The following HIVEP3 variants were observed in gnomAD, a reference collection of about 807,000 sequenced individuals.
The protein encoded by HIVEP3 is HIVEP zinc finger 3, also known as transcription factor HIVEP3.
Under a neutral mutation model 152.8 loss-of-function variants are expected in HIVEP3, and 49 were observed. The observed-to-expected ratio is 0.32, with a 90% CI of 0.26 to 0.41. The LOEUF (loss-of-function observed/expected upper bound fraction) is 0.41. Among genes scored for constraint, HIVEP3 ranks in the 10% least tolerant of loss-of-function variants. HIVEP3 has a pLI of 1.00. For synonymous variants in HIVEP3, 1,269 were observed against 1,289.0 expected, an observed-to-expected ratio of 0.98 and a Z score of 0.33; for missense variants, 2,790 against 3,103.3, an observed-to-expected ratio of 0.90 and a Z score of 2.40.
intron 1 of HIVEP3, among the ~76,000 whole-genome samples, chr1:41,846,770 A>G (rs1643455325): frequency 6.6e-6 from 1 of 152,236 alleles, no homozygotes; most frequent in Non-Finnish European, 1.5e-5. Context: ...TATTTAATTC[A>G]TCTTTGTCTT....
In HIVEP3 at chr1:41,997,323, T is replaced by C. The variant is rs1324491158; in HGVS notation, n.119+38484A>G. Among the ~76,000 whole-genome samples the C allele has an allele frequency of 2.0e-5, 3 of 152,304 alleles. No individual in the cohort carries two copies. The East Asian group carries it at 5.8e-4, about 29-fold the overall frequency. On this transcript the variant is annotated intron_variant and non_coding_transcript_variant, in intron 1 of 3. Transcript: ENST00000489103. Reference sequence around the variant, plus strand: ...TGGTTTGAAACTACCACGCCTTTCCTGTTGTGGCTGCTCCACATTGGCTAA... The same window carrying C: ...TGGTTTGAAACTACCACGCCTTTCCCGTTGTGGCTGCTCCACATTGGCTAA...
chr1:41,738,426 T>A (rs1188253194), intron 1 of HIVEP3, among the ~76,000 whole-genome samples: 1 of 152,098 alleles, frequency 6.6e-6, no homozygotes, highest in East Asian at 1.9e-4. Context: ...GAAAACAATT[T>A]AAAAATTCCT....
intron 1 of HIVEP3, among the ~76,000 whole-genome samples, chr1:41,955,746 C>T (rs898077813): frequency 1.3e-5 from 2 of 152,026 alleles, no homozygotes; most frequent in African/African-American, 2.4e-5. Flanking sequence ...ATGAGTTACC[C>T]GGAGAAGTTA....
chr1:41,706,001 C>T (rs577991907), intron 1 of HIVEP3, among the ~76,000 whole-genome samples: 2 of 152,034 alleles, frequency 1.3e-5, no homozygotes, highest in East Asian at 3.9e-4. Context: ...TGGGACACAA[C>T]CATGCAAACA....
At chr1:41,651,923 T>A (rs1160236237) in intron 2 of HIVEP3, among the ~76,000 whole-genome samples, 1 of 152,254 alleles carries the variant, frequency 6.6e-6, no homozygotes, top group Non-Finnish European at 1.5e-5. Context: ...TGCACATTTT[T>A]AAAAACTTGG....
At chr1:41,777,989 G>T (rs1431138400) in intron 1 of HIVEP3, among the ~76,000 whole-genome samples, 11 of 152,228 alleles carry the variant, frequency 7.2e-5, no homozygotes, top group Admixed American at 2.0e-4. Flanking sequence ...ATCGGCGGGG[G>T]TTCTTGGCAG....
chr1:41,940,226 A>T (rs1645039210), intron 1 of HIVEP3, among the ~76,000 whole-genome samples: 1 of 152,198 alleles, frequency 6.6e-6, no homozygotes, highest in African/African-American at 2.4e-5. Context: ...GCTGAATTTT[A>T]AAAAATATAG....
chr1:41,721,182 C>G (rs898178769), intron 1 of HIVEP3, among the ~76,000 whole-genome samples: 1 of 151,694 alleles, frequency 6.6e-6, no homozygotes, highest in Non-Finnish European at 1.5e-5. Flanking sequence ...AGGTAGATCT[C>G]ATGTGAAACA....
At chr1:41,613,553 T>C (rs1251346262) in intron 3 of HIVEP3, among the ~76,000 whole-genome samples, 1 of 152,242 alleles carries the variant, frequency 6.6e-6, no homozygotes, top group Non-Finnish European at 1.5e-5. Flanking sequence ...CTTCAGTTAA[T>C]AGTTTGCAGA....
chr1:41,731,942 A>G (rs1646845434), intron 1 of HIVEP3, among the ~76,000 whole-genome samples: 2 of 152,244 alleles, frequency 1.3e-5, no homozygotes, highest in South Asian at 4.1e-4. Context: ...TGGTTAAACA[A>G]GTGAATGATT....
intron 3 of HIVEP3, among the ~76,000 whole-genome samples, chr1:41,623,800 T>C (rs10749837): frequency 0.62 from 94,732 of 152,142 alleles, 30,138 homozygotes; most frequent in African/African-American, 0.76. Context: ...CCAGCCCTGG[T>C]TTGGCAAGCT....
rs149343852 is a variant in HIVEP3, at chr1:41,790,037, C to T, written c.-800-89042G>A. ...CTTTACAAAACAGGGTCAGGTGCTA[C>T]TTTCTGACTCCAGGGTCAGAGAGGC... On this transcript the variant is annotated intron_variant, in intron 1 of 8. Transcript: ENST00000372583. 1.1e-4 allele frequency among the ~76,000 whole-genome samples: 16 copies of T among 152,346 alleles called. No homozygotes were observed. The East Asian group carries it at 3.1e-3, about 29-fold the overall frequency.
intron 5 of HIVEP3, among the ~76,000 whole-genome samples, chr1:41,561,173 T>C (rs1398563191): frequency 6.6e-6 from 1 of 152,138 alleles, no homozygotes; most frequent in Non-Finnish European, 1.5e-5. Flanking sequence ...CCAAACCACA[T>C]GGCAATCATT....
intron 1 of HIVEP3, among the ~76,000 whole-genome samples, chr1:41,751,620 T>C (rs1160556751): frequency 6.6e-6 from 1 of 152,122 alleles, no homozygotes; most frequent in African/African-American, 2.4e-5. Flanking sequence ...CTTTCCCCTG[T>C]CCTTCTCTTG....
intron 2 of HIVEP3, among the ~76,000 whole-genome samples, chr1:41,647,598 AG>A (rs1407991496): frequency 6.6e-6 from 1 of 152,180 alleles, no homozygotes; most frequent in Non-Finnish European, 1.5e-5. Context: ...AGGCCCTTCC[AG>A]GGCACGCTGA....
At chr1:41,598,273 T>G (rs1012373601) in intron 3 of HIVEP3, among the ~76,000 whole-genome samples, 5 of 152,222 alleles carry the variant, frequency 3.3e-5, no homozygotes, top group Non-Finnish European at 7.3e-5. Flanking sequence ...CTGGCAGGTC[T>G]CTAGTGGTTC....
chr1:41,847,310 C>T (rs891319251), intron 1 of HIVEP3: 5 of 152,196 alleles, frequency 3.3e-5, no homozygotes, highest in Admixed American at 6.5e-5. Flanking sequence ...TAAATGAGTA[C>T]TCTTACATTA....
chr1:41,991,444 C>CA (rs1645360645), intron 1 of HIVEP3, among the ~76,000 whole-genome samples: 1 of 151,468 alleles, frequency 6.6e-6, no homozygotes, highest in Non-Finnish European at 1.5e-5. Context: ...CAAGACTAAA[C>CA]CAGCAAGAAG....
chr1:41,946,163 A>C (rs1645073847), intron 1 of HIVEP3, among the ~76,000 whole-genome samples: 1 of 152,218 alleles, frequency 6.6e-6, no homozygotes, highest in Non-Finnish European at 1.5e-5. Context: ...ACGCTTTAGA[A>C]AAGATTGTCC....
Sources: gnomAD v4.1 joint callset for allele counts (sites outside exome capture counted in the v4.1 genomes callset) on GRCh38, gnomAD v4.1.1 for gene constraint, MANE v1.5 for transcripts, NCBI Gene and HGNC (gene_info 2026-07-23, HGNC 2026-07-21) for gene names.